Variants in SCAPER observed in about 807,000 individuals in gnomAD.
The protein encoded by SCAPER is S phase cyclin A-associated protein in the endoplasmic reticulum.
Under a neutral mutation model 182.2 loss-of-function variants are expected in SCAPER, and 98 were observed. The observed-to-expected ratio is 0.54, with a 90% confidence interval of 0.46 to 0.64. SCAPER has a LOEUF of 0.64. Among genes scored for constraint, SCAPER ranks in the 30% least tolerant of loss-of-function variants. SCAPER has a pLI of 0.00. For synonymous variants in SCAPER, 605 were observed against 564.6 expected (o/e 1.07, Z -1.01); for missense variants, 1,432 against 1,690.0 (o/e 0.85, Z 2.68).
chr15:76,817,261 C>A (rs1219441144), intron 5 of SCAPER, among the ~76,000 whole-genome samples: 1 of 152,042 alleles, frequency 6.6e-6, no homozygotes, highest in Non-Finnish European at 1.5e-5. Context: ...CTGACATTTG[C>A]AACAATATGA....
At chr15:76,550,237 T>C (rs2045644872) in intron 23 of SCAPER, among the ~76,000 whole-genome samples, 1 of 152,182 alleles carries the variant, frequency 6.6e-6, no homozygotes, top group African/African-American at 2.4e-5. Flanking sequence ...GCAGGACATG[T>C]AGGTCTGTTA....
chr15:76,660,915 C>T (rs12911987), intron 21 of SCAPER, among the ~76,000 whole-genome samples: 53,274 of 151,806 alleles, frequency 0.35, 10,997 homozygotes, highest in Middle Eastern at 0.48. Context: ...AAAACTGTTT[C>T]TATAAACTAG....
At chr15:76,447,975 A>G (rs1265635733) in intron 25 of SCAPER, among the ~76,000 whole-genome samples, 1 of 152,132 alleles carries the variant, frequency 6.6e-6, no homozygotes. Flanking sequence ...GCCTGCTGGG[A>G]TGGTGGTGAT....
intron 25 of SCAPER, among the ~76,000 whole-genome samples, chr15:76,441,215 C>T (rs976350278): frequency 6.7e-6 from 1 of 149,874 alleles, no homozygotes; most frequent in African/African-American, 2.4e-5. Context: ...GCCACCGTGC[C>T]CAGCCTATTC....
intron 15 of SCAPER, among the ~76,000 whole-genome samples, chr15:76,733,647 G>A (rs924197755): frequency 6.6e-5 from 10 of 152,012 alleles, no homozygotes; most frequent in East Asian, 3.9e-4. Context: ...CCAGCTACTC[G>A]GGAGGCAGAG....
intron 25 of SCAPER, among the ~76,000 whole-genome samples, chr15:76,459,515 T>C (rs1459225044): frequency 2.7e-5 from 4 of 149,140 alleles, no homozygotes; most frequent in Non-Finnish European, 4.4e-5. Flanking sequence ...TTCATGTCTT[T>C]TGCTCACTTT....
rs1447843965 is a variant in SCAPER at position 76,596,640 on chromosome 15, G to A, written c.2712-22356C>T. 7.4e-5 allele frequency among the ~76,000 whole-genome samples: 9 copies of A among 120,822 alleles called. 3 individuals are homozygous for A. The highest frequency in any genetic ancestry group is 1.4e-4 in the Non-Finnish European group (7 of 49,790). 79.3% of individuals were successfully genotyped at this position (120,822 alleles called of 152,430 possible). ...CATGATCAAGTCGGCTTCATCCCTGGGATGCAAGGCTGGTTCAACATACAC... is the reference window on the plus strand; with the variant it reads ...CATGATCAAGTCGGCTTCATCCCTGAGATGCAAGGCTGGTTCAACATACAC... On this transcript the variant is annotated intron_variant, in intron 22 of 31. Transcript: ENST00000563290.
At chr15:76,541,154 T>C (rs1428340009) in intron 23 of SCAPER, among the ~76,000 whole-genome samples, 1 of 151,618 alleles carries the variant, frequency 6.6e-6, no homozygotes, top group Non-Finnish European at 1.5e-5. Flanking sequence ...TTGTGAGGAA[T>C]GATGAGGAAA....
At chr15:76,414,404 A>C (rs1354662378) in intron 26 of SCAPER, among the ~76,000 whole-genome samples, 4 of 152,086 alleles carry the variant, frequency 2.6e-5, no homozygotes, top group African/African-American at 9.7e-5. Flanking sequence ...ACTACACTGA[A>C]GCTGATCATG....
At chr15:76,388,201 G>C (rs921166343) in intron 27 of SCAPER, among the ~76,000 whole-genome samples, 3 of 152,202 alleles carry the variant, frequency 2.0e-5, no homozygotes, top group Admixed American at 6.5e-5. Flanking sequence ...GCTCAGAACT[G>C]AAGGACACAA....
intron 22 of SCAPER, among the ~76,000 whole-genome samples, chr15:76,604,481 T>C (rs547799385): frequency 1.7e-5 from 2 of 121,132 alleles, no homozygotes; most frequent in African/African-American, 5.0e-5. Flanking sequence ...CTTCGTTCTT[T>C]TGCCTTAGGA....
chr15:76,654,264 C>A (rs916120413), intron 21 of SCAPER, among the ~76,000 whole-genome samples: 2 of 151,880 alleles, frequency 1.3e-5, no homozygotes, highest in Non-Finnish European at 2.9e-5. Context: ...AAAAATTAGC[C>A]GGGCATGGTG....
rs1378461191 is a variant in SCAPER, at chr15:76,547,500, T to C, written c.2838+26658A>G. The stretch of plus-strand genomic sequence containing the variant: ...ATTACTTTCTGAAGAATTTTTTTAG[T>C]TTAATATGATCAATCACACTACCTT... On this transcript the variant is annotated intron_variant, in intron 23 of 31. Transcript: ENST00000563290. 3.9e-5 allele frequency among the ~76,000 whole-genome samples: 6 copies of C among 152,278 alleles called. No homozygotes were observed. In the East Asian group the frequency reaches 1.2e-3, roughly 29 times the overall value.
chr15:76,565,928 G>A (rs2047003677), intron 23 of SCAPER, among the ~76,000 whole-genome samples: 1 of 152,110 alleles, frequency 6.6e-6, no homozygotes, highest in Non-Finnish European at 1.5e-5. Context: ...TTGCAATGAG[G>A]AAACAACTAT....
chr15:76,687,479 A>C (rs1321620355), intron 20 of SCAPER, among the ~76,000 whole-genome samples: 4 of 152,232 alleles, frequency 2.6e-5, no homozygotes, highest in Non-Finnish European at 5.9e-5. Context: ...TTTGGGGTAC[A>C]TATGCAGAAC....
At chr15:76,695,423 C>T (rs1310835581) in intron 20 of SCAPER, among the ~76,000 whole-genome samples, 2 of 151,872 alleles carry the variant, frequency 1.3e-5, no homozygotes, top group Non-Finnish European at 2.9e-5. Context: ...TGGTAAAACG[C>T]CATCTCTACC....
In SCAPER at chr15:76,354,881, T is replaced by TAA. The variant is rs1410941079; in HGVS notation, c.3856-743_3856-742dup. ...TAATTTACTCCCTAGGCCTCCATGA[T>TAA]AAACTAAGAAATGTCAAAATTAGAT... On this transcript the variant is annotated intron_variant, in intron 29 of 31. Coordinates refer to ENST00000563290, the MANE Select transcript of SCAPER (RefSeq NM_020843.4). This position sits in a 1 kb window ranked among gnomAD's most constrained non-coding sequence, Gnocchi z 4.4. Among the ~76,000 whole-genome samples the TAA allele has an allele frequency of 2.0e-5, 3 of 152,188 alleles. No homozygotes were observed. The highest frequency in any genetic ancestry group is 2.9e-5 in the Non-Finnish European group (2 of 68,026).
chr15:76,554,341 C>G (rs1480437676), intron 23 of SCAPER, among the ~76,000 whole-genome samples: 1 of 152,130 alleles, frequency 6.6e-6, no homozygotes, highest in Admixed American at 6.6e-5. Flanking sequence ...CATAAAGATA[C>G]TAAGTCTACA....
chr15:76,519,111 T>C (rs2042657616), intron 23 of SCAPER, among the ~76,000 whole-genome samples: 1 of 152,220 alleles, frequency 6.6e-6, no homozygotes. Flanking sequence ...AATAATTTTA[T>C]GAAAAGGCAA....
Sources: gnomAD v4.1 joint callset for allele counts (sites outside exome capture counted in the v4.1 genomes callset) on GRCh38, gnomAD v4.1.1 for gene constraint, Gnocchi (gnomAD v3.1) non-coding constraint, MANE v1.5 for transcripts, NCBI Gene and HGNC (gene_info 2026-07-23, HGNC 2026-07-21) for gene names.